Variants in CHN2 observed in about 807,000 individuals in gnomAD.
CHN2 encodes the protein chimerin 2.
A neutral mutation model predicts 56.3 loss-of-function variants in CHN2; 35 were observed. The observed-to-expected ratio is 0.62, with a 90% confidence interval of 0.47 to 0.82. The LOEUF is 0.82. Ranked by LOEUF, CHN2 falls within the 40% of genes least tolerant of loss-of-function variation. The pLI, the probability that CHN2 is intolerant of heterozygous loss-of-function variation, is 0.00. For missense variants in CHN2, 491 were observed against 580.5 expected, an observed-to-expected ratio of 0.85 and a Z score of 1.58; for synonymous variants, 210 against 212.8, an observed-to-expected ratio of 0.99 and a Z score of 0.12.
At chr7:29,178,247 A>C (rs1278471366) in intron 2 of CHN2, among the ~76,000 whole-genome samples, 2 of 152,170 alleles carry the variant, frequency 1.3e-5, no homozygotes, top group African/African-American at 2.4e-5. Flanking sequence ...TTTCAGTATG[A>C]ATCAGAACAT....
chr7:29,426,474 G>T (rs527472571), intron 6 of CHN2, among the ~76,000 whole-genome samples: 1 of 152,254 alleles, frequency 6.6e-6, no homozygotes, highest in Admixed American at 6.5e-5. Context: ...GCCATTAGTT[G>T]CTTGAAGTAG....
At chr7:29,479,791 G>C (rs1786935194) in intron 6 of CHN2, 1 of 1,216,128 alleles carries the variant, frequency 8.2e-7, no homozygotes, top group Non-Finnish European at 1.0e-6. Context: ...AAAGCAGGCT[G>C]CCGGCCCCTG....
At chr7:29,349,958 G>A (rs1241421119) in intron 1 of CHN2, among the ~76,000 whole-genome samples, 3 of 152,138 alleles carry the variant, frequency 2.0e-5, no homozygotes, top group Non-Finnish European at 2.9e-5. Context: ...TTTATGCAAT[G>A]CGTGTGTGTG....
At chr7:29,313,889 C>G (rs948477166) in intron 1 of CHN2, among the ~76,000 whole-genome samples, 1 of 152,190 alleles carries the variant, frequency 6.6e-6, no homozygotes, top group Non-Finnish European at 1.5e-5. Context: ...GTCACAGGCT[C>G]TCAGCCTCTG....
At chr7:29,399,780 A>AT (rs1484486685) in intron 5 of CHN2, among the ~76,000 whole-genome samples, 1 of 152,226 alleles carries the variant, frequency 6.6e-6, no homozygotes, top group Admixed American at 6.5e-5. Flanking sequence ...TAATGTAATT[A>AT]TGAGGACGAA....
chr7:29,245,267 C>G (rs1787980272), intron 1 of CHN2, among the ~76,000 whole-genome samples: 3 of 152,212 alleles, frequency 2.0e-5, no homozygotes, highest in African/African-American at 4.8e-5. Flanking sequence ...GTGTTTCAAG[C>G]ATCCAGTGTC....
intron 1 of CHN2, among the ~76,000 whole-genome samples, chr7:29,300,975 A>G (rs943309138): frequency 6.6e-6 from 1 of 151,796 alleles, no homozygotes; most frequent in Non-Finnish European, 1.5e-5. Context: ...AATTCTCAGA[A>G]ATTGAATGAG....
intron 1 of CHN2, among the ~76,000 whole-genome samples, chr7:29,307,468 C>G (rs1454124619): frequency 6.6e-6 from 1 of 152,142 alleles, no homozygotes; most frequent in East Asian, 1.9e-4. Flanking sequence ...AATGTCTGGA[C>G]CCTGTGAATA....
chr7:29,240,657 T>C (rs1235568551), intron 1 of CHN2, among the ~76,000 whole-genome samples: 2 of 151,028 alleles, frequency 1.3e-5, no homozygotes, highest in Admixed American at 1.3e-4. Flanking sequence ...AAACAAATCA[T>C]AGCATCATGA....
intron 1 of CHN2, among the ~76,000 whole-genome samples, chr7:29,318,474 T>A (rs757308317): frequency 2.6e-5 from 4 of 152,156 alleles, no homozygotes; most frequent in African/African-American, 7.2e-5. Flanking sequence ...AGAAGCCATG[T>A]GGAATTCATC....
intron 1 of CHN2, among the ~76,000 whole-genome samples, chr7:29,319,926 C>G (rs1283765470): frequency 1.3e-5 from 2 of 152,100 alleles, no homozygotes; most frequent in Non-Finnish European, 2.9e-5. Flanking sequence ...CTCACTGGCC[C>G]TGGCTTTTGG....
chr7:29,173,678 A>T (rs1194928693), intron 2 of CHN2, among the ~76,000 whole-genome samples: 2 of 151,840 alleles, frequency 1.3e-5, no homozygotes, highest in African/African-American at 4.8e-5. Context: ...ATATTTTTTT[A>T]AAAATAATGA....
At chr7:29,500,882 T>TA (rs1470704421) in intron 9 of CHN2, among the ~76,000 whole-genome samples, 1 of 152,230 alleles carries the variant, frequency 6.6e-6, no homozygotes. Context: ...AAATGTTCTT[T>TA]ATGTTGTACA....
chr7:29,209,420 A>C (rs1263248847), intron 1 of CHN2, among the ~76,000 whole-genome samples: 1 of 152,152 alleles, frequency 6.6e-6, no homozygotes, highest in East Asian at 1.9e-4. Flanking sequence ...TCCCTGAAAA[A>C]AATGTTCTGC....
intron 1 of CHN2, among the ~76,000 whole-genome samples, chr7:29,203,165 G>A (rs962949162): frequency 2.0e-5 from 3 of 152,276 alleles, no homozygotes; most frequent in Admixed American, 6.5e-5. Context: ...ATATGTTTAG[G>A]TGATAATATT....
intron 1 of CHN2, among the ~76,000 whole-genome samples, chr7:29,226,809 T>C (rs1202687697): frequency 6.6e-6 from 1 of 152,236 alleles, no homozygotes; most frequent in Non-Finnish European, 1.5e-5. Context: ...GGTTTTTTGA[T>C]AACTTATTTT....
chr7:29,403,533 G>A (rs143836371), intron 6 of CHN2, among the ~76,000 whole-genome samples: 39 of 152,134 alleles, frequency 2.6e-4, no homozygotes, highest in African/African-American at 8.2e-4. Context: ...GAATACTAAC[G>A]CAGTAATAAT....
intron 1 of CHN2, chr7:29,212,542 G>A (rs1785032691): frequency 8.0e-6 from 12 of 1,507,356 alleles, no homozygotes; most frequent in Admixed American, 1.7e-5. Context: ...TTGCTGCAGA[G>A]AATAATGCCC....
chr7:29,193,394 C>A (rs1212472885), upstream of CHN2: 1 of 152,136 alleles, frequency 6.6e-6, no homozygotes, highest in Non-Finnish European at 1.5e-5. Flanking sequence ...TTCTGTGTCA[C>A]TCCTGATAAT....
Sources: allele counts gnomAD v4.1 joint callset (sites outside exome capture counted in the v4.1 genomes callset), GRCh38; gene constraint gnomAD v4.1.1; transcripts MANE v1.5; gene names NCBI Gene and HGNC (gene_info 2026-07-23, HGNC 2026-07-21).